RBFOX3: variants seen among roughly 807,000 people sequenced by gnomAD.
RBFOX3 encodes RNA binding protein fox-1 homolog 3.
RBFOX3 carries 17 observed loss-of-function variants against 48.7 expected under a neutral mutation model. The ratio of observed to expected loss-of-function variants is 0.35; its 90% CI spans 0.24 to 0.52. The LOEUF (loss-of-function observed/expected upper bound fraction) is 0.52. Ranked by LOEUF, RBFOX3 falls within the 20% of genes least tolerant of loss-of-function variation. RBFOX3 has a pLI of 0.94. For synonymous variants in RBFOX3, 212 were observed against 209.5 expected (o/e 1.01, Z -0.10); for missense variants, 382 against 497.5 (o/e 0.77, Z 2.21).
chr17:79,292,338 T>C (rs115115173), intron 3 of RBFOX3, among the ~76,000 whole-genome samples: 1,533 of 151,914 alleles, frequency 0.01, 28 homozygotes, highest in African/African-American at 0.035. Flanking sequence ...CAGTATAGAA[T>C]TTATTCTATT....
intron 2 of RBFOX3, among the ~76,000 whole-genome samples, chr17:79,379,158 G>T (rs938856989): frequency 9.9e-5 from 15 of 152,202 alleles, no homozygotes; most frequent in Admixed American, 1.3e-4. Context: ...CCGTCCCATG[G>T]CACGCGTCGG....
chr17:79,487,576 C>T (rs1276558895), intron 1 of RBFOX3, among the ~76,000 whole-genome samples: 1 of 152,072 alleles, frequency 6.6e-6, no homozygotes, highest in African/African-American at 2.4e-5. Context: ...AGGCGCTCAG[C>T]AGTTTTGGTG....
At chr17:79,340,304 AAAAAACAAAAAAC>A (rs2081874126) in intron 2 of RBFOX3, among the ~76,000 whole-genome samples, 2 of 150,222 alleles carry the variant, frequency 1.3e-5, no homozygotes, top group African/African-American at 4.9e-5. Context: ...ATCTCAAAAA[AAAAAACAAAAAAC>A]AAAAACAAAA....
At chr17:79,318,727 C>T (rs34049856) in intron 2 of RBFOX3, among the ~76,000 whole-genome samples, 33,557 of 151,214 alleles carry the variant, frequency 0.22, 4,432 homozygotes, top group African/African-American at 0.36. Context: ...TGGTGGTGGG[C>T]GCCTGCAGTC....
At chr17:79,118,295 G>A (rs568344176) in intron 4 of RBFOX3, among the ~76,000 whole-genome samples, 5 of 152,200 alleles carry the variant, frequency 3.3e-5, no homozygotes, top group Admixed American at 3.3e-4. Flanking sequence ...CCTCAGCCAC[G>A]GGAGGGAAGC....
rs2081707411 is a variant in RBFOX3 at position 79,497,447 on chromosome 17, G to C, written c.-319-14849C>G. On this transcript the variant is annotated intron_variant, in intron 1 of 14. Coordinates refer to ENST00000693108, the MANE Select transcript of RBFOX3 (RefSeq NM_001350451.2). ...CAATGGAGCCCAAGCAATACGTTTG[G>C]GAAAAAAAGCAATCATCAATGTAAT... Among the ~76,000 whole-genome samples, 9 of 152,108 alleles carry C rather than the reference G, an allele frequency of 5.9e-5. No homozygotes were observed. The South Asian group carries it at 1.9e-3, about 32-fold the overall frequency.
At chr17:79,510,739 C>T (rs1379645265) in intron 1 of RBFOX3, among the ~76,000 whole-genome samples, 4 of 152,138 alleles carry the variant, frequency 2.6e-5, no homozygotes, top group African/African-American at 9.7e-5. Context: ...GGACGGAGGA[C>T]GTTTCCCTGG....
intron 2 of RBFOX3, among the ~76,000 whole-genome samples, chr17:79,383,172 G>T (rs1274796519): frequency 6.6e-6 from 1 of 152,172 alleles, no homozygotes. Context: ...GATGGGAAAA[G>T]GGGTGTATCC....
intron 2 of RBFOX3, among the ~76,000 whole-genome samples, chr17:79,345,653 C>T (rs1387887451): frequency 6.6e-6 from 1 of 152,024 alleles, no homozygotes; most frequent in Non-Finnish European, 1.5e-5. Context: ...GCTTTTTTCT[C>T]TTTTGGGATG....
At chr17:79,550,490 G>A (rs1218963738) in intron 1 of RBFOX3, among the ~76,000 whole-genome samples, 2 of 152,134 alleles carry the variant, frequency 1.3e-5, no homozygotes, top group Non-Finnish European at 2.9e-5. Context: ...CTGGGATGGA[G>A]GACACATAGA....
At chr17:79,225,574 A>G (rs2060219021) in intron 4 of RBFOX3, among the ~76,000 whole-genome samples, 1 of 152,216 alleles carries the variant, frequency 6.6e-6, no homozygotes, top group Non-Finnish European at 1.5e-5. Context: ...TAAAGGCATG[A>G]GCCATGTGCC....
chr17:79,107,049 C>T (rs981352855), intron 5 of RBFOX3, among the ~76,000 whole-genome samples: 1 of 152,228 alleles, frequency 6.6e-6, no homozygotes, highest in Non-Finnish European at 1.5e-5. Flanking sequence ...TCCCGCCATC[C>T]CAGTGCAAGG....
At chr17:79,275,879 C>A (rs2068708636) in intron 3 of RBFOX3, among the ~76,000 whole-genome samples, 1 of 152,140 alleles carries the variant, frequency 6.6e-6, no homozygotes, top group Admixed American at 6.5e-5. Flanking sequence ...TGGTATATAC[C>A]CAAGAGAAAC....
chr17:79,513,107 C>A (rs1473809472), intron 1 of RBFOX3, among the ~76,000 whole-genome samples: 2 of 152,030 alleles, frequency 1.3e-5, no homozygotes, highest in Non-Finnish European at 2.9e-5. Flanking sequence ...GCCCCATAAC[C>A]AGGGGACACA....
At chr17:79,246,051 G>A (rs1030905811) in intron 3 of RBFOX3, among the ~76,000 whole-genome samples, 2 of 149,266 alleles carry the variant, frequency 1.3e-5, no homozygotes, top group African/African-American at 4.9e-5. Context: ...CTTACTGGTT[G>A]TATCAAAAAG....
chr17:79,281,990 CA>C (rs1442443603), intron 3 of RBFOX3, among the ~76,000 whole-genome samples: 2 of 152,086 alleles, frequency 1.3e-5, no homozygotes, highest in Non-Finnish European at 2.9e-5. Context: ...TTTGCTGAGA[CA>C]AATATATCTG....
intron 2 of RBFOX3, among the ~76,000 whole-genome samples, chr17:79,437,451 C>T (rs192268292): frequency 1.2e-4 from 19 of 152,336 alleles, no homozygotes; most frequent in Non-Finnish European, 2.5e-4. Flanking sequence ...TGCCTGTCAC[C>T]GTCACTGCCA....
intron 4 of RBFOX3, among the ~76,000 whole-genome samples, chr17:79,116,998 G>C (rs1298554429): frequency 6.6e-6 from 1 of 152,246 alleles, no homozygotes; most frequent in Non-Finnish European, 1.5e-5. Context: ...AAGCAGCCCT[G>C]GTGGGGAGCC....
intron 4 of RBFOX3, among the ~76,000 whole-genome samples, chr17:79,123,117 G>A (rs1283631980): frequency 6.6e-6 from 1 of 152,154 alleles, no homozygotes; most frequent in African/African-American, 2.4e-5. Context: ...CAAAAGAGCA[G>A]AAAGAATGAA....
Sources: allele counts gnomAD v4.1 joint callset (sites outside exome capture counted in the v4.1 genomes callset), GRCh38; gene constraint gnomAD v4.1.1; transcripts MANE v1.5; gene names NCBI Gene and HGNC (gene_info 2026-07-23, HGNC 2026-07-21).